Variants in GATD1 observed in about 807,000 individuals in gnomAD.
The protein encoded by GATD1 is glutamine amidotransferase-like class 1 domain-containing protein 1.
In GATD1, 23 loss-of-function variants were observed where a neutral mutation model predicts 25.9. The observed-to-expected ratio is 0.89, with a 90% CI of 0.64 to 1.26. The LOEUF (loss-of-function observed/expected upper bound fraction) is 1.26. Ranked by LOEUF, GATD1 falls within the 50% of genes most tolerant of loss-of-function variation. GATD1 has a pLI of 0.00. For synonymous variants in GATD1, 177 were observed against 134.6 expected (o/e 1.31, Z -2.18); for missense variants, 347 against 312.5 (o/e 1.11, Z -0.83).
intron 1 of GATD1, among the ~76,000 whole-genome samples, chr11:776,337 A>G (rs1311476325): frequency 6.6e-6 from 1 of 152,148 alleles, no homozygotes; most frequent in East Asian, 1.9e-4. Context: ...CTTATCGAGG[A>G]AAAACAAAGT....
At position 770,105 on chromosome 11, in the gene GATD1, C is replaced by G; in HGVS notation, c.*792G>C. 1.6e-6 allele frequency: 2 copies of G among 1,220,736 alleles called. No individual in the cohort carries two copies. The highest frequency in any genetic ancestry group is 2.0e-6 in the Non-Finnish European group (2 of 980,494). The allele number at this position is 1,220,736 out of a possible 1,614,324, so 75.6% of individuals were successfully genotyped here. A position where few individuals can be genotyped will look rare whatever the true frequency, so the allele number is the denominator to read the frequency against. On this transcript the variant is annotated 3_prime_UTR_variant, in exon 8 of 8. Coordinates refer to ENST00000319863, the MANE Select transcript of GATD1 (RefSeq NM_182612.4). ...TCTCCTGGACGCCCTAACCTGGGGCCAGGGGGCAGCCCGCTGGAGGGCCAC... is the reference window on the plus strand; with the variant it reads ...TCTCCTGGACGCCCTAACCTGGGGCGAGGGGGCAGCCCGCTGGAGGGCCAC...
Position 767,459 on chromosome 11 carries a change from A to C in GATD1, c.*3438T>G. 6.8e-7 allele frequency: 1 copy of C among 1,463,786 alleles called. No individual in the cohort carries two copies. 90.7% of individuals were successfully genotyped at this position (1,463,786 alleles called of 1,614,324 possible). On this transcript the variant is annotated 3_prime_UTR_variant, in exon 8 of 8. Coordinates refer to ENST00000319863, the MANE Select transcript of GATD1 (RefSeq NM_182612.4). The stretch of plus-strand genomic sequence containing the variant: ...GCTGAGGAATGACGCAGGGGCCTGC[A>C]GGCAGCTCACGCGGAGACAGGTCTG...
Position 775,119 on chromosome 11 carries a change from G to A in GATD1, c.88C>T (p.His30Tyr). The change falls in exon 2 of 8, where the codon CAC becomes TAC. Residue 30 changes from histidine to tyrosine, a missense_variant. Coordinates refer to ENST00000319863, the MANE Select transcript of GATD1 (RefSeq NM_182612.4). The stretch of plus-strand genomic sequence containing the variant: ...GCGGTGCTGGCCATCGTGAAACAGT[G>A]GAGGAAGGACTGGGCCGACACACCT... ...AEGVSAQSFL[H>Y]CFTMASTAFN... 3.1e-6 allele frequency: 5 copies of A among 1,605,548 alleles called. No individual in the cohort carries two copies. The highest frequency in any genetic ancestry group is 4.2e-6 in the Non-Finnish European group (5 of 1,177,162).
In GATD1 at chr11:777,456, A is replaced by ACGCCATGGCTCGGG; in HGVS notation, c.-8_6dup (p.Ser3ProfsTer59). ...GCGGGCCTGTTAGGGAGCCGCTCGGACGCCATGGCTCGGGCTCGGCGCTGG... is the reference window on the plus strand; with the variant it reads ...GCGGGCCTGTTAGGGAGCCGCTCGGACGCCATGGCTCGGGCGCCATGGCTCGGGCTCGGCGCTGG... On this transcript the variant is annotated frameshift_variant, in exon 1 of 8. Transcript: ENST00000319863. LOFTEE classifies it high-confidence loss of function. The ACGCCATGGCTCGGG allele has an allele frequency of 3.2e-6, 4 of 1,243,508 alleles. No individual in the cohort carries two copies. The highest frequency in any genetic ancestry group is 2.0e-6 in the Non-Finnish European group (2 of 992,128). The allele number at this position is 1,243,508 out of a possible 1,614,324, so 77.0% of individuals were successfully genotyped here.
At chr11:773,236 C>G (rs1214188593) in intron 4 of GATD1, 2 of 388,390 alleles carry the variant, frequency 5.1e-6, no homozygotes, top group African/African-American at 4.3e-5. Flanking sequence ...CAGGCTTTCC[C>G]AGAAGGAATC....
chr11:771,435 G>A lies in GATD1; in HGVS notation c.451-9C>T. On this transcript the variant is annotated splice_polypyrimidine_tract_variant and intron_variant, in intron 5 of 7. Transcript: ENST00000319863. Reference sequence around the variant, plus strand: ...AGCTCACACACAGAGGGCTGCGGGAGCGGGGTGGGGGCTCCTGAGACAGGC... The same window carrying A: ...AGCTCACACACAGAGGGCTGCGGGAACGGGGTGGGGGCTCCTGAGACAGGC... 1 of 1,521,156 alleles carries A rather than the reference G, an allele frequency of 6.6e-7. No homozygotes were observed. Among genetic ancestry groups the A allele is most frequent in the Non-Finnish European group, 8.8e-7 (1 of 1,139,044 alleles). 94.2% of individuals were successfully genotyped at this position (1,521,156 alleles called of 1,614,324 possible).
chr11:774,778 C>T (rs547232611), intron 2 of GATD1, among the ~76,000 whole-genome samples: 4 of 152,064 alleles, frequency 2.6e-5, no homozygotes, highest in South Asian at 2.1e-4. Context: ...TGTGGTGAGC[C>T]GAGATCGCAC....
chr11:773,695 C>G (rs1420764917), intron 3 of GATD1, 66 bp from the exon 4 acceptor site: 2 of 1,254,330 alleles, frequency 1.6e-6, no homozygotes, highest in East Asian at 2.4e-5. Flanking sequence ...AGGACCAGGC[C>G]CGAGTGCGTG....
intron 4 of GATD1, chr11:772,741 G>A: frequency 1.7e-6 from 1 of 584,842 alleles, no homozygotes; most frequent in Non-Finnish European, 3.1e-6. Context: ...TCAGGACTAG[G>A]CTCTGGTTTA....
At chr11:771,636 C>T (rs904554998) in intron 5 of GATD1, among the ~76,000 whole-genome samples, 2 of 152,178 alleles carry the variant, frequency 1.3e-5, no homozygotes, top group African/African-American at 2.4e-5. Context: ...GAGAGCGACA[C>T]GGCCACTACA....
chr11:771,598 T>C (rs1331374831), intron 5 of GATD1, 172 bp from the exon 6 acceptor site: 5 of 1,384,236 alleles, frequency 3.6e-6, no homozygotes, highest in South Asian at 1.7e-5. Flanking sequence ...GATGACAAAG[T>C]CTAGCCATCT....
In GATD1 at chr11:770,665, T is replaced by C; in HGVS notation, c.*232A>G. On this transcript the variant is annotated 3_prime_UTR_variant, in exon 8 of 8. Coordinates refer to ENST00000319863, the MANE Select transcript of GATD1 (RefSeq NM_182612.4). Reference sequence around the variant, plus strand: ...AGCTCTCCAGGCACGTGGGGTCTTTTCTCTGCCTCCTACCAGAGAACATGC... The same window carrying C: ...AGCTCTCCAGGCACGTGGGGTCTTTCCTCTGCCTCCTACCAGAGAACATGC... 7.0e-7 allele frequency: 1 copy of C among 1,419,614 alleles called. No individual in the cohort carries two copies. The highest frequency in any genetic ancestry group is 9.2e-7 in the Non-Finnish European group (1 of 1,090,560). The allele number at this position is 1,419,614 out of a possible 1,614,324, so 87.9% of individuals were successfully genotyped here.
chr11:775,038 C>A, intron 2 of GATD1, 28 bp downstream of exon 2: 1 of 1,582,854 alleles, frequency 6.3e-7, no homozygotes, highest in Non-Finnish European at 8.6e-7. Context: ...CCCCAAGTGT[C>A]CAGTGGGGAA....
Position 771,436 on chromosome 11 carries a change from CG to C in GATD1, c.451-11del. The C allele has an allele frequency of 6.6e-7, 1 of 1,520,068 alleles. No homozygotes were observed. 94.2% of individuals were successfully genotyped at this position (1,520,068 alleles called of 1,614,324 possible). A position where few individuals can be genotyped will look rare whatever the true frequency, so the allele number is the denominator to read the frequency against. On this transcript the variant is annotated splice_polypyrimidine_tract_variant and intron_variant, in intron 5 of 7. Coordinates refer to ENST00000319863, the MANE Select transcript of GATD1 (RefSeq NM_182612.4). The stretch of plus-strand genomic sequence containing the variant: ...GCTCACACACAGAGGGCTGCGGGAG[CG>C]GGGTGGGGGCTCCTGAGACAGGCCC...
Position 767,700 on chromosome 11 carries a change from T to A in GATD1, c.*3197A>T. The A allele has an allele frequency of 9.8e-7, 1 of 1,017,004 alleles. No individual in the cohort carries two copies. Among genetic ancestry groups the A allele is most frequent in the Non-Finnish European group, 1.2e-6 (1 of 816,282 alleles). The allele number at this position is 1,017,004 out of a possible 1,614,324, so 63.0% of individuals were successfully genotyped here. A position where few individuals can be genotyped will look rare whatever the true frequency, so the allele number is the denominator to read the frequency against. Reference sequence around the variant, plus strand: ...GGTATTAGGTGGGGCATTTGGGAGGTCATCCGGTCACAGGGCAGGGGCACA... The same window carrying A: ...GGTATTAGGTGGGGCATTTGGGAGGACATCCGGTCACAGGGCAGGGGCACA... On this transcript the variant is annotated 3_prime_UTR_variant, in exon 8 of 8. Transcript: ENST00000319863.
At position 770,376 on chromosome 11, in the gene GATD1, C is replaced by A; in HGVS notation, c.*521G>T. ...GAAAGTGCTGCCAGTGCCGGTCGGC[C>A]TTGGGGCAGGAGGCTGCTGCTCCTA... On this transcript the variant is annotated 3_prime_UTR_variant, in exon 8 of 8. Transcript: ENST00000319863. The A allele has an allele frequency of 6.5e-7, 1 of 1,532,808 alleles. No individual in the cohort carries two copies. The highest frequency in any genetic ancestry group is 8.7e-7 in the Non-Finnish European group (1 of 1,145,558). 95.0% of individuals were successfully genotyped at this position (1,532,808 alleles called of 1,614,324 possible). A position where few individuals can be genotyped will look rare whatever the true frequency, so the allele number is the denominator to read the frequency against.
At chr11:776,265 G>A (rs1453407655) in intron 1 of GATD1, among the ~76,000 whole-genome samples, 1 of 152,126 alleles carries the variant, frequency 6.6e-6, no homozygotes, top group African/African-American at 2.4e-5. Context: ...ACAGGCGTGA[G>A]CCACTGCGCC....
At position 770,853 on chromosome 11, in the gene GATD1, G is replaced by A; in HGVS notation, c.*44C>T. 7.0e-6 allele frequency: 11 copies of A among 1,572,986 alleles called. No homozygotes were observed. The highest frequency in any genetic ancestry group is 9.5e-6 in the Non-Finnish European group (11 of 1,156,194). On this transcript the variant is annotated 3_prime_UTR_variant, in exon 8 of 8. Coordinates refer to ENST00000319863, the MANE Select transcript of GATD1 (RefSeq NM_182612.4). ...TGAAGCCTGAGACGGGGCTGCCTCT[G>A]GAGACACCTGGGCTGTCTCAGGGGG...
intron 2 of GATD1, among the ~76,000 whole-genome samples, chr11:774,449 C>T (rs946718415): frequency 6.6e-6 from 1 of 152,278 alleles, no homozygotes; most frequent in Non-Finnish European, 1.5e-5. Flanking sequence ...TGGAGAATTC[C>T]TCCCAGTGGA....
Sources: gnomAD v4.1 joint callset for allele counts (sites outside exome capture counted in the v4.1 genomes callset) on GRCh38, gnomAD v4.1.1 for gene constraint, MANE v1.5 for transcripts, NCBI Gene and HGNC (gene_info 2026-07-23, HGNC 2026-07-21) for gene names.